Variants in WWOX observed in about 807,000 individuals in gnomAD.
The protein encoded by WWOX is WW domain containing oxidoreductase, also known as WW domain-containing oxidoreductase.
Under a neutral mutation model 46.2 loss-of-function variants are expected in WWOX, and 69 were observed. That is an observed-to-expected ratio of 1.49 (90% confidence interval 1.23 to 1.82). The LOEUF is 1.82. Ranked by LOEUF, WWOX falls within the 40% of genes most tolerant of loss-of-function variation. The pLI is 0.00. For synonymous variants in WWOX, 359 were observed against 202.6 expected (o/e 1.77, Z -6.56); for missense variants, 919 against 542.6 (o/e 1.69, Z -6.89).
intron 5 of WWOX, chr16:78,237,589 AG>A (rs1277335123): frequency 6.6e-6 from 1 of 152,194 alleles, no homozygotes; most frequent in African/African-American, 2.4e-5. Flanking sequence ...GACCTAGACC[AG>A]CAGTCACAAG....
chr16:79,150,842 C>G (rs1597422230), intron 8 of WWOX, among the ~76,000 whole-genome samples: 1 of 152,112 alleles, frequency 6.6e-6, no homozygotes, highest in Non-Finnish European at 1.5e-5. Context: ...GCAATGAAAT[C>G]ATTGCGTAGG....
chr16:78,586,657 G>T (rs1466610128), intron 8 of WWOX, among the ~76,000 whole-genome samples: 1 of 152,174 alleles, frequency 6.6e-6, no homozygotes, highest in Non-Finnish European at 1.5e-5. Context: ...CATTTATTAA[G>T]TGCCTGTTGA....
chr16:78,953,277 C>T (rs1387181588), intron 8 of WWOX, among the ~76,000 whole-genome samples: 2 of 150,836 alleles, frequency 1.3e-5, no homozygotes, highest in African/African-American at 4.9e-5. Flanking sequence ...TAAAACAAAC[C>T]AATAGCTCAG....
At chr16:79,123,347 C>G (rs543038080) in intron 8 of WWOX, among the ~76,000 whole-genome samples, 4 of 152,168 alleles carry the variant, frequency 2.6e-5, no homozygotes, top group South Asian at 2.1e-4. Flanking sequence ...TACTGCACAT[C>G]TTGGCATCTT....
intron 8 of WWOX, among the ~76,000 whole-genome samples, chr16:79,207,139 G>A (rs999894500): frequency 1.3e-5 from 2 of 152,070 alleles, no homozygotes; most frequent in African/African-American, 4.8e-5. Flanking sequence ...TGTGACATGA[G>A]GGCTCACCCC....
intron 8 of WWOX, among the ~76,000 whole-genome samples, chr16:78,958,959 C>G (rs796567279): frequency 1.3e-5 from 2 of 152,286 alleles, no homozygotes; most frequent in African/African-American, 4.8e-5. Context: ...GGTTCAAGAT[C>G]TGAGGTAAAT....
intron 8 of WWOX, among the ~76,000 whole-genome samples, chr16:78,632,380 C>A (rs111838619): frequency 6.6e-6 from 1 of 151,882 alleles, no homozygotes. Context: ...TGAGTTATTC[C>A]GCTACCTCCG....
chr16:78,518,851 G>A (rs1246375600), intron 8 of WWOX, among the ~76,000 whole-genome samples: 1 of 152,160 alleles, frequency 6.6e-6, no homozygotes, highest in Non-Finnish European at 1.5e-5. Context: ...TGCATAAAAT[G>A]ACCTTTCAGC....
At chr16:78,482,602 GATTTC>G (rs1305150209) in intron 8 of WWOX, among the ~76,000 whole-genome samples, 1 of 152,132 alleles carries the variant, frequency 6.6e-6, no homozygotes, top group Non-Finnish European at 1.5e-5. Flanking sequence ...CTTTGCATGT[GATTTC>G]TAATTTCCTG....
intron 8 of WWOX, among the ~76,000 whole-genome samples, chr16:78,757,354 C>T (rs1451318722): frequency 2.6e-5 from 4 of 152,030 alleles, no homozygotes; most frequent in Non-Finnish European, 5.9e-5. Flanking sequence ...CCCAGCACCC[C>T]AGCATGACCA....
intron 8 of WWOX, among the ~76,000 whole-genome samples, chr16:78,472,949 G>A (rs1454588857): frequency 6.6e-6 from 1 of 152,134 alleles, no homozygotes; most frequent in Non-Finnish European, 1.5e-5. Flanking sequence ...AAGCAAACTA[G>A]GGCCCTTGGG....
intron 8 of WWOX, among the ~76,000 whole-genome samples, chr16:78,976,989 C>G (rs1055807044): frequency 2.5e-4 from 38 of 152,142 alleles, no homozygotes; most frequent in Admixed American, 1.3e-3. Flanking sequence ...GTTTTTGAAT[C>G]TAGCATGTAT....
At chr16:78,860,010 G>C (rs746374620) in intron 8 of WWOX, among the ~76,000 whole-genome samples, 1 of 152,112 alleles carries the variant, frequency 6.6e-6, no homozygotes, top group South Asian at 2.1e-4. Flanking sequence ...TAGATAAATA[G>C]CATTTTCACG....
At chr16:78,771,773 CAATAAATAAATAAATAAATAAATA>C (rs60862470) in intron 8 of WWOX, among the ~76,000 whole-genome samples, 1 of 144,384 alleles carries the variant, frequency 6.9e-6, no homozygotes, top group African/African-American at 2.6e-5. Context: ...CTCTGTCTCA[CAATAAATAAATAAATAAATAAATA>C]AATAAATAAA....
intron 8 of WWOX, among the ~76,000 whole-genome samples, chr16:79,061,622 C>G (rs1408245352): frequency 1.3e-5 from 2 of 152,164 alleles, no homozygotes; most frequent in Non-Finnish European, 2.9e-5. Context: ...TGTGTGAGCA[C>G]TGATCCATGA....
chr16:78,395,770 CTTTTTCTTTTTT>C (rs1451297322), intron 6 of WWOX, among the ~76,000 whole-genome samples: 1 of 151,696 alleles, frequency 6.6e-6, no homozygotes, highest in African/African-American at 2.4e-5. Flanking sequence ...TTTTCTTTTT[CTTTTTCTTTTTT>C]GCTATTCTTT....
chr16:78,541,604 A>T (rs538766045), intron 8 of WWOX, among the ~76,000 whole-genome samples: 1 of 151,588 alleles, frequency 6.6e-6, no homozygotes, highest in East Asian at 2.0e-4. Flanking sequence ...GTTTATAGTT[A>T]AGTTAATGAA....
At chr16:79,115,304 C>T (rs953792763) in intron 8 of WWOX, among the ~76,000 whole-genome samples, 1 of 152,186 alleles carries the variant, frequency 6.6e-6, no homozygotes, top group Non-Finnish European at 1.5e-5. Flanking sequence ...AAGAAACTTT[C>T]AATGTATACT....
At chr16:78,621,958 C>T (rs986625491) in intron 8 of WWOX, among the ~76,000 whole-genome samples, 1 of 151,972 alleles carries the variant, frequency 6.6e-6, no homozygotes, top group Non-Finnish European at 1.5e-5. Flanking sequence ...TGAAATTGTA[C>T]TGGTTTTTCT....
Sources: allele counts gnomAD v4.1 joint callset (sites outside exome capture counted in the v4.1 genomes callset), GRCh38; gene constraint gnomAD v4.1.1; transcripts MANE v1.5; gene names NCBI Gene and HGNC (gene_info 2026-07-23, HGNC 2026-07-21).